Variants in TECR observed in about 807,000 individuals in gnomAD.
TECR encodes the protein very-long-chain enoyl-CoA reductase.
TECR carries 19 observed loss-of-function variants against 50.6 expected under a neutral mutation model. The ratio of observed to expected loss-of-function variants is 0.38; its 90% CI spans 0.26 to 0.55. TECR has a LOEUF of 0.55. TECR is among the 20% of genes least tolerant of loss of function. The pLI is 0.79. For missense variants in TECR, 313 were observed against 408.3 expected, an observed-to-expected ratio of 0.77 and a Z score of 2.01; for synonymous variants, 168 against 163.5, an observed-to-expected ratio of 1.03 and a Z score of -0.21.
In TECR at chr19:14,564,183, C is replaced by G; in HGVS notation, c.385C>G (p.Leu129Val). The part of the protein sequence containing the change: ...FTSSRHTVVH[L>V]ACICHSFHYI... ...GCTGAGCCTGCTCCCCCCGACCAGC[C>G]TCGCCTGCATCTGTCACTCATTCCA... is the stretch of plus-strand genomic sequence containing the variant. Residue 129 changes from leucine to valine, a missense_variant and splice_region_variant, in exon 7 of 13, where the codon CTC becomes GTC. By Grantham distance (32) the Leu-to-Val change is conservative. Transcript: ENST00000215567. 1 of 1,607,336 alleles carries G rather than the reference C, an allele frequency of 6.2e-7. No individual in the cohort carries two copies. The highest frequency in any genetic ancestry group is 8.5e-7 in the Non-Finnish European group (1 of 1,179,866).
At chr19:14,545,206 C>T (rs1261676448) in intron 1 of TECR, 3 of 456,752 alleles carry the variant, frequency 6.6e-6, no homozygotes, top group Admixed American at 2.3e-5. Flanking sequence ...CTTGTCTTGG[C>T]TCTGCTCCAG....
At chr19:14,564,409 C>G in intron 7 of TECR, 122 bp downstream of exon 7, 2 of 843,664 alleles carry the variant, frequency 2.4e-6, no homozygotes, top group Non-Finnish European at 3.8e-6. Context: ...GAGCCCTACC[C>G]CTAGGCCCCG....
rs1256777149 is a variant in TECR, at chr19:14,563,602, CGGACCGGCT to C, written c.119-54_119-46del. 1.2e-6 allele frequency: 2 copies of C among 1,605,872 alleles called. No homozygotes were observed. The highest frequency in any genetic ancestry group is 1.7e-6 in the Non-Finnish European group (2 of 1,176,986). ...AGAAGCTGGCACAGTGGCTGGGCAG[CGGACCGGCT>C]GAGCCCTGCCAGGCTGTGGGCTGTA... On this transcript the variant is annotated intron_variant, in intron 3 of 12. Coordinates refer to ENST00000215567, the MANE Select transcript of TECR (RefSeq NM_138501.6). The surrounding 1 kb of genome is among the most constrained non-coding windows in gnomAD (Gnocchi z 5.3).
chr19:14,529,789 A>G (rs1453013764), intron 1 of TECR, 78 bp downstream of exon 1: 6 of 1,601,942 alleles, frequency 3.7e-6, no homozygotes, highest in East Asian at 2.2e-5. Context: ...ACGGGACCCC[A>G]CTTTCTGGTC....
chr19:14,547,666 T>TC (rs1402728754), intron 1 of TECR, among the ~76,000 whole-genome samples: 1 of 151,498 alleles, frequency 6.6e-6, no homozygotes, highest in Non-Finnish European at 1.5e-5. Context: ...CTAATATTTT[T>TC]TTTTTTTTTT....
intron 1 of TECR, among the ~76,000 whole-genome samples, chr19:14,543,419 A>ATAT (rs1568406034): frequency 1.4e-4 from 3 of 21,892 alleles, no homozygotes; most frequent in East Asian, 1.5e-3. Flanking sequence ...ATATATATAT[A>ATAT]TTTTTTTTTT....
intron 1 of TECR, among the ~76,000 whole-genome samples, chr19:14,552,946 C>G (rs891401022): frequency 6.6e-6 from 1 of 152,182 alleles, no homozygotes; most frequent in East Asian, 1.9e-4. Flanking sequence ...CGGGCGAGAT[C>G]AGCGTCGCTC....
rs1470198351 is a variant in TECR, at chr19:14,564,984, A to G, written c.598A>G (p.Ile200Val). 2 of 1,613,764 alleles carry G rather than the reference A, an allele frequency of 1.2e-6. No homozygotes were observed. The highest frequency in any genetic ancestry group is 1.3e-5 in the African/African-American group (1 of 74,894). ...GAQQVKLALA[I>V]FVICQLGNFS... is the part of the protein sequence containing the mutation. ...TCAGCAGGTGAAACTGGCGCTCGCC[A>G]TCTTTGTGGTAAGGAGGCTGGGTGT... is the stretch of plus-strand genomic sequence containing the variant. Residue 200 changes from isoleucine (I) to valine (V), a missense_variant, in exon 9 of 13, where the codon ATC becomes GTC. Coordinates refer to ENST00000215567, the MANE Select transcript of TECR (RefSeq NM_138501.6).
At chr19:14,529,857 G>T in intron 1 of TECR, 146 bp downstream of exon 1, 1 of 1,113,066 alleles carries the variant, frequency 9.0e-7, no homozygotes, top group Non-Finnish European at 1.3e-6. Context: ...GTTGCGCCCC[G>T]GGCCACTCGT....
chr19:14,550,307 G>A (rs933298542), intron 1 of TECR, among the ~76,000 whole-genome samples: 14 of 152,110 alleles, frequency 9.2e-5, no homozygotes, highest in African/African-American at 2.9e-4. Flanking sequence ...GTTAGCTGCC[G>A]CCGCGTGTAT....
At chr19:14,541,982 C>T (rs2073110999) in intron 1 of TECR, among the ~76,000 whole-genome samples, 1 of 152,054 alleles carries the variant, frequency 6.6e-6, no homozygotes, top group Non-Finnish European at 1.5e-5. Flanking sequence ...CCGGGTTTCA[C>T]ATGTTGGCCA....
chr19:14,541,948 C>T (rs961423085), intron 1 of TECR, among the ~76,000 whole-genome samples: 7 of 151,896 alleles, frequency 4.6e-5, no homozygotes, highest in Non-Finnish European at 8.8e-5. Context: ...CCACGCCTGG[C>T]GTATTTTTTG....
intron 1 of TECR, among the ~76,000 whole-genome samples, chr19:14,535,755 T>TGAAAA (rs1185320616): frequency 4.3e-5 from 1 of 23,218 alleles, no homozygotes; most frequent in Non-Finnish European, 9.5e-5. Context: ...AGACTCTGTC[T>TGAAAA]CAAAAAAAAA....
rs547636832 is a variant in TECR at position 14,539,684 on chromosome 19, C to A, written c.15+9973C>A. Among the ~76,000 whole-genome samples, 22 of 152,220 alleles carry A rather than the reference C, an allele frequency of 1.4e-4. 1 individual carries two copies. The South Asian group carries it at 4.1e-3, about 29-fold the overall frequency. Reference sequence around the variant, plus strand: ...ACCACGTTCCTGCCCTAAGCACATGCTATTCCCTCGGCCCTGGATGCCCTT... The same window carrying A: ...ACCACGTTCCTGCCCTAAGCACATGATATTCCCTCGGCCCTGGATGCCCTT... On this transcript the variant is annotated intron_variant, in intron 1 of 12. Transcript: ENST00000215567.
chr19:14,529,582 A>C, upstream of TECR: 1 of 1,530,426 alleles, frequency 6.5e-7, no homozygotes, highest in African/African-American at 1.4e-5. Context: ...GGCGGGGCGG[A>C]CGCAGAGCCG....
chr19:14,538,459 C>T (rs1049813763), intron 1 of TECR, among the ~76,000 whole-genome samples: 2 of 152,026 alleles, frequency 1.3e-5, no homozygotes, highest in Non-Finnish European at 2.9e-5. Context: ...CAGGTAAGGA[C>T]AGATCAGCAT....
At chr19:14,535,929 G>C (rs1223883226) in intron 1 of TECR, among the ~76,000 whole-genome samples, 1 of 151,904 alleles carries the variant, frequency 6.6e-6, no homozygotes, top group Non-Finnish European at 1.5e-5. Context: ...GTGACTCACT[G>C]GGCAGATTCT....
chr19:14,538,080 C>T (rs917199929), intron 1 of TECR, among the ~76,000 whole-genome samples: 1 of 152,136 alleles, frequency 6.6e-6, no homozygotes, highest in East Asian at 1.9e-4. Context: ...ATATCTAAAT[C>T]GTGTACTAAA....
Position 14,564,778 on chromosome 19 carries a change from C to T in TECR, c.490-8C>T, listed in dbSNP as rs369307807. 7 of 1,613,110 alleles carry T rather than the reference C, an allele frequency of 4.3e-6. No homozygotes were observed. The highest frequency in any genetic ancestry group is 5.9e-6 in the Non-Finnish European group (7 of 1,179,518). The stretch of plus-strand genomic sequence containing the variant: ...CCCAAGTCCCATCCCTGCCCTGCTC[C>T]CTTTCAGAACTGCACCTACTACTGG... On this transcript the variant is annotated splice_region_variant and splice_polypyrimidine_tract_variant and intron_variant, in intron 7 of 12. Coordinates refer to ENST00000215567, the MANE Select transcript of TECR (RefSeq NM_138501.6).
Sources: gnomAD v4.1 joint callset for allele counts (sites outside exome capture counted in the v4.1 genomes callset) on GRCh38, gnomAD v4.1.1 for gene constraint, Gnocchi (gnomAD v3.1) non-coding constraint, MANE v1.5 for transcripts, NCBI Gene and HGNC (gene_info 2026-07-23, HGNC 2026-07-21) for gene names.